Variants in XXYLT1 observed in about 807,000 individuals in gnomAD.
XXYLT1 encodes UDP-xylose:alpha-xyloside alpha-1,3-xylosyltransferase.
Under a neutral mutation model 28.9 loss-of-function variants are expected in XXYLT1, and 20 were observed. The observed-to-expected ratio is 0.69, with a 90% CI of 0.49 to 1.00. The LOEUF is 1.00. Among genes scored for constraint, XXYLT1 ranks in the 50% least tolerant of loss-of-function variants. XXYLT1 has a pLI of 0.00. For missense variants in XXYLT1, 542 were observed against 560.1 expected (o/e 0.97, Z 0.33); for synonymous variants, 257 against 253.8 (o/e 1.01, Z -0.12).
At chr3:195,191,560 A>G (rs1171202420) in intron 2 of XXYLT1, among the ~76,000 whole-genome samples, 1 of 152,264 alleles carries the variant, frequency 6.6e-6, no homozygotes, top group Non-Finnish European at 1.5e-5. Flanking sequence ...GTCCAAAGTT[A>G]TGGGGGGTTG....
intron 3 of XXYLT1, among the ~76,000 whole-genome samples, chr3:195,126,528 T>G (rs1424897037): frequency 6.6e-6 from 1 of 152,218 alleles, no homozygotes; most frequent in Non-Finnish European, 1.5e-5. Flanking sequence ...GCCCATGGAT[T>G]TGGCCTTCTA....
rs1306520218 is a variant in XXYLT1, at chr3:195,260,341, G to T, written c.504+10214C>A. Among the ~76,000 whole-genome samples, 4 of 152,136 alleles carry T rather than the reference G, an allele frequency of 2.6e-5. 1 individual carries two copies. Among genetic ancestry groups the T allele is most frequent in the Admixed American group, 1.3e-4 (2 of 15,300 alleles). ...GCGGCCCCTCCTCTCCAGACGGGGG[G>T]CCCCGTGCTGACCGCAGCCGCGGAG... On this transcript the variant is annotated intron_variant, in intron 1 of 3. Transcript: ENST00000310380.
chr3:195,236,579 G>T (rs928703435), intron 1 of XXYLT1, among the ~76,000 whole-genome samples: 3 of 151,778 alleles, frequency 2.0e-5, no homozygotes, highest in Non-Finnish European at 2.9e-5. Flanking sequence ...CCCAGTTGGT[G>T]CTCCCCCTAT....
intron 2 of XXYLT1, among the ~76,000 whole-genome samples, chr3:195,177,762 C>CA (rs796329955): frequency 3.3e-5 from 5 of 150,292 alleles, no homozygotes; most frequent in Middle Eastern, 3.4e-3. Context: ...CCCATCTCTA[C>CA]AAAAAAAATA....
At chr3:195,111,812 CA>C (rs1717733343) in intron 3 of XXYLT1, among the ~76,000 whole-genome samples, 4 of 152,118 alleles carry the variant, frequency 2.6e-5, no homozygotes, top group Admixed American at 6.6e-5. Context: ...TACAACAAAA[CA>C]GAATTTTCAA....
chr3:195,246,671 A>C (rs1725035220), intron 1 of XXYLT1, among the ~76,000 whole-genome samples: 1 of 152,174 alleles, frequency 6.6e-6, no homozygotes, highest in Non-Finnish European at 1.5e-5. Context: ...GGCAGCTCCA[A>C]AGGAGAGGCG....
intron 3 of XXYLT1, among the ~76,000 whole-genome samples, chr3:195,119,287 CAAAAAA>C (rs11328657): frequency 9.1e-6 from 1 of 109,554 alleles, no homozygotes; most frequent in Non-Finnish European, 1.9e-5. Flanking sequence ...CCATCTCAAA[CAAAAAA>C]AAAAAAAAAA....
intron 3 of XXYLT1, among the ~76,000 whole-genome samples, chr3:195,143,818 A>ATATATTTTTTTTTT (rs1719641203): frequency 1.0e-5 from 1 of 96,310 alleles, no homozygotes; most frequent in Non-Finnish European, 2.0e-5. Flanking sequence ...ATATATAGAT[A>ATATATTTTTTTTTT]TAGATATATA....
chr3:195,157,497 C>T (rs1449797036), intron 2 of XXYLT1, among the ~76,000 whole-genome samples: 1 of 152,162 alleles, frequency 6.6e-6, no homozygotes, highest in African/African-American at 2.4e-5. Flanking sequence ...TTCAATGTCA[C>T]AATCACCTGG....
At chr3:195,189,605 G>C (rs1342307937) in intron 2 of XXYLT1, among the ~76,000 whole-genome samples, 1 of 152,114 alleles carries the variant, frequency 6.6e-6, no homozygotes, top group African/African-American at 2.4e-5. Context: ...GAAGATTCAA[G>C]ATGGCAAAAG....
intron 3 of XXYLT1, among the ~76,000 whole-genome samples, chr3:195,120,348 G>T (rs910032164): frequency 6.7e-6 from 1 of 149,786 alleles, no homozygotes; most frequent in Non-Finnish European, 1.5e-5. Flanking sequence ...TTCAGGCTGG[G>T]CATGGAATCC....
intron 3 of XXYLT1, among the ~76,000 whole-genome samples, chr3:195,148,313 T>C (rs1307354554): frequency 6.6e-6 from 1 of 152,210 alleles, no homozygotes; most frequent in Non-Finnish European, 1.5e-5. Flanking sequence ...TCACACGGGC[T>C]ACACAAAAAC....
intron 3 of XXYLT1, among the ~76,000 whole-genome samples, chr3:195,107,474 CAAA>C (rs372671595): frequency 4.4e-5 from 2 of 45,692 alleles, no homozygotes; most frequent in Non-Finnish European, 7.9e-5. Context: ...AACTCCGTCT[CAAA>C]AAAAAAAAAA....
intron 3 of XXYLT1, among the ~76,000 whole-genome samples, chr3:195,132,558 T>C (rs950278607): frequency 6.6e-6 from 1 of 152,234 alleles, no homozygotes; most frequent in Non-Finnish European, 1.5e-5. Flanking sequence ...TATTACAAAC[T>C]ATGTCTCTGT....
intron 3 of XXYLT1, among the ~76,000 whole-genome samples, chr3:195,086,224 G>A (rs1428309186): frequency 1.3e-5 from 2 of 152,032 alleles, no homozygotes; most frequent in South Asian, 2.1e-4. Flanking sequence ...TTTTTTTAAG[G>A]GAAGAAAATC....
chr3:195,186,947 T>C (rs920276065), intron 2 of XXYLT1, among the ~76,000 whole-genome samples: 2 of 149,714 alleles, frequency 1.3e-5, no homozygotes, highest in African/African-American at 4.9e-5. Flanking sequence ...CAGGCTAGAG[T>C]GCAGTGGCGC....
At chr3:195,119,848 T>G (rs1718253600) in intron 3 of XXYLT1, among the ~76,000 whole-genome samples, 1 of 132,748 alleles carries the variant, frequency 7.5e-6, no homozygotes, top group African/African-American at 2.8e-5. Context: ...GAACAATAGC[T>G]GGGGAGCCTG....
intron 2 of XXYLT1, among the ~76,000 whole-genome samples, chr3:195,174,815 C>T (rs1026028907): frequency 2.6e-5 from 4 of 151,586 alleles, no homozygotes; most frequent in Non-Finnish European, 5.9e-5. Flanking sequence ...TTGGGTCCCA[C>T]TATGTTGCCT....
At chr3:195,084,986 T>C (rs1234894063) in intron 3 of XXYLT1, among the ~76,000 whole-genome samples, 1 of 152,210 alleles carries the variant, frequency 6.6e-6, no homozygotes, top group African/African-American at 2.4e-5. Context: ...AGGCAGCCAC[T>C]TCCAGACCCT....
Sources: allele counts gnomAD v4.1 joint callset (sites outside exome capture counted in the v4.1 genomes callset), GRCh38; gene constraint gnomAD v4.1.1; transcripts MANE v1.5; gene names NCBI Gene and HGNC (gene_info 2026-07-23, HGNC 2026-07-21).